Variants in SNX9 observed in about 807,000 individuals in gnomAD.
SNX9 encodes sorting nexin-9.
A neutral mutation model predicts 89.4 loss-of-function variants in SNX9; 44 were observed. The observed-to-expected ratio is 0.49, with a 90% confidence interval of 0.39 to 0.63. The LOEUF (loss-of-function observed/expected upper bound fraction) is 0.63, where lower values mean the gene tolerates loss of function less well. SNX9 is among the 30% of genes least tolerant of loss of function. SNX9 has a pLI of 0.00. For missense variants in SNX9, 578 were observed against 736.1 expected (o/e 0.79, Z 2.49); for synonymous variants, 236 against 247.8 (o/e 0.95, Z 0.45).
intron 10 of SNX9, among the ~76,000 whole-genome samples, chr6:157,922,562 G>T (rs1035193065): frequency 2.0e-5 from 3 of 152,220 alleles, no homozygotes; most frequent in African/African-American, 7.2e-5. Flanking sequence ...TGAACACATA[G>T]TAAGTCTTAA....
rs530962482 is a variant in SNX9, at chr6:157,914,630, A to G, written c.949+4605A>G. ...TAGCTGGGACTACAGGCTCTCATCA[A>G]CACTTCTTGTTAATTTTTTGTATTT... On this transcript the variant is annotated intron_variant, in intron 9 of 17. Coordinates refer to ENST00000392185, the MANE Select transcript of SNX9 (RefSeq NM_016224.5). Among the ~76,000 whole-genome samples the G allele has an allele frequency of 4.6e-5, 7 of 151,012 alleles. No individual in the cohort carries two copies. In the East Asian group the frequency reaches 1.4e-3, roughly 29 times the overall value.
At chr6:157,834,030 T>G (rs1263193194) in intron 1 of SNX9, among the ~76,000 whole-genome samples, 3 of 152,050 alleles carry the variant, frequency 2.0e-5, no homozygotes, top group Admixed American at 2.0e-4. Context: ...TGAGGCGTGA[T>G]CTGATTGGAT....
At chr6:157,915,914 T>A (rs1783459800) in intron 9 of SNX9, among the ~76,000 whole-genome samples, 1 of 151,600 alleles carries the variant, frequency 6.6e-6, no homozygotes, top group Non-Finnish European at 1.5e-5. Context: ...TCTAGTTATG[T>A]ATTGCATATA....
At chr6:157,825,741 G>T (rs1562585317) in intron 1 of SNX9, among the ~76,000 whole-genome samples, 1 of 152,174 alleles carries the variant, frequency 6.6e-6, no homozygotes. Context: ...TGACATGCTG[G>T]TGATTCTTGT....
At chr6:157,935,511 G>A (rs2115214815) in intron 13 of SNX9, among the ~76,000 whole-genome samples, 1 of 152,146 alleles carries the variant, frequency 6.6e-6, no homozygotes, top group East Asian at 1.9e-4. Flanking sequence ...AACACCCCAC[G>A]AAAAGAAAGG....
intron 9 of SNX9, among the ~76,000 whole-genome samples, chr6:157,917,458 A>G (rs1783496199): frequency 6.6e-6 from 1 of 152,168 alleles, no homozygotes; most frequent in Non-Finnish European, 1.5e-5. Flanking sequence ...CTTTTGCTGC[A>G]TTCTATAAAG....
At chr6:157,850,740 AT>A (rs1255384484) in intron 1 of SNX9, among the ~76,000 whole-genome samples, 1 of 151,782 alleles carries the variant, frequency 6.6e-6, no homozygotes, top group Non-Finnish European at 1.5e-5. Context: ...AAAATATTTT[AT>A]TTTTCCTGAA....
At chr6:157,881,153 A>G (rs1386223690) in intron 4 of SNX9, among the ~76,000 whole-genome samples, 14 of 152,140 alleles carry the variant, frequency 9.2e-5, no homozygotes, top group Admixed American at 9.2e-4. Flanking sequence ...AACAGCATGT[A>G]CTCACTTGGT....
intron 10 of SNX9, among the ~76,000 whole-genome samples, chr6:157,925,540 TC>T (rs2115196983): frequency 6.6e-6 from 1 of 152,202 alleles, no homozygotes; most frequent in South Asian, 2.1e-4. Context: ...ACAGCTTCAT[TC>T]ATAACTTGAT....
chr6:157,838,441 A>G (rs1781628266), intron 1 of SNX9, among the ~76,000 whole-genome samples: 1 of 152,116 alleles, frequency 6.6e-6, no homozygotes, highest in Non-Finnish European at 1.5e-5. Flanking sequence ...GATATCTTCC[A>G]TTAGGTGTAC....
intron 1 of SNX9, among the ~76,000 whole-genome samples, chr6:157,857,741 GA>G (rs200413491): frequency 1.3e-4 from 19 of 145,902 alleles, no homozygotes; most frequent in African/African-American, 2.3e-4. Flanking sequence ...TCCTGTTTCA[GA>G]AAAAAAAAAT....
intron 1 of SNX9, among the ~76,000 whole-genome samples, chr6:157,834,302 G>A (rs1247005940): frequency 6.6e-6 from 1 of 150,478 alleles, no homozygotes; most frequent in East Asian, 1.9e-4. Flanking sequence ...TGAGTAAGCT[G>A]ACACCACAAA....
intron 1 of SNX9, among the ~76,000 whole-genome samples, chr6:157,828,137 C>A (rs1323103503): frequency 6.6e-6 from 1 of 152,018 alleles, no homozygotes; most frequent in Non-Finnish European, 1.5e-5. Context: ...ATTTTTATGG[C>A]TTTTAAAATG....
intron 1 of SNX9, among the ~76,000 whole-genome samples, chr6:157,855,986 T>C (rs755551317): frequency 6.6e-5 from 10 of 152,222 alleles, no homozygotes; most frequent in Non-Finnish European, 1.5e-4. Context: ...TGACCTCAGA[T>C]GATCCACCCG....
Position 157,823,562 on chromosome 6 carries a change from G to A in SNX9, c.12+116G>A, listed in dbSNP as rs1023270863. On this transcript the variant is annotated intron_variant, in intron 1 of 17. Transcript: ENST00000392185. The surrounding 1 kb of genome is among the most constrained non-coding windows in gnomAD (Gnocchi z 4.6). ...CCAGGGGTGGTCGAGGGGCCACTCC[G>A]CTTCCTCGGTGGAGTCCCCGGGCGG... The A allele has an allele frequency of 7.7e-6, 7 of 906,942 alleles. No homozygotes were observed. Among genetic ancestry groups the A allele is most frequent in the Non-Finnish European group, 8.4e-6 (6 of 716,978 alleles). The allele number at this position is 906,942 out of a possible 1,614,324, so 56.2% of individuals were successfully genotyped here.
intron 17 of SNX9, among the ~76,000 whole-genome samples, 170 bp from the exon 18 acceptor site, chr6:157,942,621 G>A (rs1276376346): frequency 6.6e-6 from 1 of 152,228 alleles, no homozygotes; most frequent in Non-Finnish European, 1.5e-5. Flanking sequence ...GGTGTCATTC[G>A]GGGTTAAGGT....
At chr6:157,880,680 C>G (rs1346736513) in intron 4 of SNX9, among the ~76,000 whole-genome samples, 1 of 152,184 alleles carries the variant, frequency 6.6e-6, no homozygotes, top group East Asian at 1.9e-4. Context: ...TGCTCTGCAT[C>G]CTTGAGATGT....
intron 3 of SNX9, among the ~76,000 whole-genome samples, chr6:157,873,742 A>AT (rs1357567563): frequency 1.3e-5 from 2 of 152,122 alleles, no homozygotes; most frequent in East Asian, 1.9e-4. Context: ...GTTTAAATAG[A>AT]TTTTTTTAAG....
At chr6:157,873,895 C>T (rs1782467893) in intron 3 of SNX9, among the ~76,000 whole-genome samples, 1 of 152,100 alleles carries the variant, frequency 6.6e-6, no homozygotes, top group African/African-American at 2.4e-5. Flanking sequence ...CCTGGGACAC[C>T]CCCAAGCTGA....
Sources: allele counts gnomAD v4.1 joint callset (sites outside exome capture counted in the v4.1 genomes callset), GRCh38; gene constraint gnomAD v4.1.1; non-coding constraint Gnocchi (gnomAD v3.1); transcripts MANE v1.5; gene names NCBI Gene and HGNC (gene_info 2026-07-23, HGNC 2026-07-21).